Variants in MIDEAS observed in about 807,000 individuals in gnomAD.
The protein encoded by MIDEAS is mitotic deacetylase-associated SANT domain protein.
MIDEAS carries 26 observed loss-of-function variants against 102.7 expected under a neutral mutation model. The ratio of observed to expected loss-of-function variants is 0.25; its 90% CI spans 0.19 to 0.35. The LOEUF is 0.35. Ranked by LOEUF, MIDEAS falls within the 10% of genes least tolerant of loss-of-function variation. MIDEAS has a pLI of 1.00. For synonymous variants in MIDEAS, 585 were observed against 591.0 expected (o/e 0.99, Z 0.15); for missense variants, 1,231 against 1,435.6 (o/e 0.86, Z 2.30).
intron 11 of MIDEAS, 24 bp from the exon 12 acceptor site, chr14:73,719,525 G>A (rs1434258517): frequency 3.1e-6 from 5 of 1,608,356 alleles, no homozygotes; most frequent in East Asian, 2.2e-5. Flanking sequence ...AACAAGGAGA[G>A]TTGAGTGATC....
intron 1 of MIDEAS, among the ~76,000 whole-genome samples, chr14:73,769,901 GGTTTTTTTTTTT>G (rs2053626773): frequency 2.5e-5 from 3 of 121,772 alleles, no homozygotes; most frequent in African/African-American, 1.2e-4. Flanking sequence ...TGCCCGGCTG[GGTTTTTTTTTTT>G]GTTTTTTTTT....
chr14:73,725,243 C>G lies in MIDEAS; in HGVS notation c.2574+29G>C, dbSNP rs1291845410. On this transcript the variant is annotated intron_variant, in intron 9 of 12. Transcript: ENST00000423556. This position sits in a 1 kb window ranked among gnomAD's most constrained non-coding sequence, Gnocchi z 4.1. ...AGTCACACAGGCAGCTCCTGGCCCT[C>G]ATTTGCCCTGAAACAGAGCCCAGCT... is the stretch of plus-strand genomic sequence containing the variant. 5 of 1,597,092 alleles carry G rather than the reference C, an allele frequency of 3.1e-6. No individual in the cohort carries two copies. In the South Asian group the frequency reaches 5.5e-5, roughly 18 times the overall value.
chr14:73,723,687 A>G (rs887610968), intron 9 of MIDEAS: 1 of 152,224 alleles, frequency 6.6e-6, no homozygotes, highest in East Asian at 1.9e-4. Context: ...CGATTGCTAA[A>G]TCTAAGTCCG....
intron 1 of MIDEAS, among the ~76,000 whole-genome samples, chr14:73,741,489 T>C (rs1173450440): frequency 1.3e-5 from 2 of 152,086 alleles, no homozygotes; most frequent in South Asian, 2.1e-4. Flanking sequence ...TCTCAGGCCC[T>C]AGATGCTACA....
chr14:73,763,106 CAGG>C (rs2053566643), upstream of MIDEAS, among the ~76,000 whole-genome samples: 1 of 152,070 alleles, frequency 6.6e-6, no homozygotes, highest in Admixed American at 6.6e-5. Context: ...AAGGCTGAGG[CAGG>C]AGGAGTGCTT....
At chr14:73,773,239 G>T (rs2140170531) in intron 1 of MIDEAS, among the ~76,000 whole-genome samples, 1 of 151,932 alleles carries the variant, frequency 6.6e-6, no homozygotes, top group South Asian at 2.1e-4. Flanking sequence ...TACCAATCAG[G>T]ATCTACTCTT....
chr14:73,757,290 A>AAAAAAAAAAAAAC (rs2053496627), intron 1 of MIDEAS, among the ~76,000 whole-genome samples: 3 of 150,442 alleles, frequency 2.0e-5, no homozygotes, highest in African/African-American at 4.9e-5. Flanking sequence ...AAAAAAAAAA[A>AAAAAAAAAAAAAC]AAAACACTAA....
At chr14:73,756,287 T>TGCGCGC (rs1462045604) in intron 1 of MIDEAS, among the ~76,000 whole-genome samples, 1 of 99,612 alleles carries the variant, frequency 1.0e-5, no homozygotes, top group African/African-American at 3.8e-5. Flanking sequence ...TGTGTGTGTG[T>TGCGCGC]GTGTGTGTGC....
At chr14:73,752,092 CAG>C (rs2053427111) in intron 1 of MIDEAS, among the ~76,000 whole-genome samples, 1 of 152,174 alleles carries the variant, frequency 6.6e-6, no homozygotes, top group Admixed American at 6.5e-5. Flanking sequence ...ATGGTGCTCT[CAG>C]AGTGTTGCTT....
upstream of MIDEAS, among the ~76,000 whole-genome samples, chr14:73,760,499 G>T (rs2053545007): frequency 6.6e-6 from 1 of 152,246 alleles, no homozygotes; most frequent in South Asian, 2.1e-4. This position sits in a 1 kb window ranked among gnomAD's most constrained non-coding sequence, Gnocchi z 4.8. Flanking sequence ...CTTTGCTGGC[G>T]GGCCACGCTG....
At chr14:73,754,559 G>T (rs1566600783) in intron 1 of MIDEAS, among the ~76,000 whole-genome samples, 1 of 152,202 alleles carries the variant, frequency 6.6e-6, no homozygotes, top group African/African-American at 2.4e-5. Flanking sequence ...TGAAAGTGGA[G>T]ACAGTCTTTA....
chr14:73,738,417 G>T, intron 2 of MIDEAS, 143 bp downstream of exon 2: 2 of 912,498 alleles, frequency 2.2e-6, no homozygotes, highest in East Asian at 3.1e-5. Flanking sequence ...GCAAGGTGAA[G>T]GGTGGTCTTT....
At chr14:73,744,157 CAGCTCTCCTGGG>C (rs1478988168) in intron 1 of MIDEAS, among the ~76,000 whole-genome samples, 1 of 152,088 alleles carries the variant, frequency 6.6e-6, no homozygotes, top group African/African-American at 2.4e-5. Flanking sequence ...ATGGTGACAC[CAGCTCTCCTGGG>C]ATGTCAGCTC....
chr14:73,761,070 TTGGTGGTGGTGCAG>T (rs1159984162), upstream of MIDEAS, among the ~76,000 whole-genome samples: 1 of 152,018 alleles, frequency 6.6e-6, no homozygotes, highest in Non-Finnish European at 1.5e-5. Context: ...TCCAAGTTTT[TTGGTGGTGGTGCAG>T]TGGTGGTGGT....
chr14:73,729,896 G>A lies in MIDEAS; in HGVS notation c.1839C>T (p.Thr613=), dbSNP rs756256233. 16 of 1,613,134 alleles carry A rather than the reference G, an allele frequency of 9.9e-6. No individual in the cohort carries two copies. Among genetic ancestry groups the A allele is most frequent in the Non-Finnish European group, 1.4e-5 (16 of 1,179,368 alleles). ...GAGGGGCGATGAAAGTGCCCGCCTT[G>A]GTGGGGATGATGAGGGGCTCGGGCC... ...RPRPEPLIIP[T]KAGTFIAPPV... The change falls in exon 4 of 13, where the codon ACC becomes ACT. Residue 613 remains threonine (T), a synonymous_variant. Coordinates refer to ENST00000423556, the MANE Select transcript of MIDEAS (RefSeq NM_001367710.1).
At chr14:73,732,696 G>T (rs2053153558) in intron 3 of MIDEAS, among the ~76,000 whole-genome samples, 1 of 143,290 alleles carries the variant, frequency 7.0e-6, no homozygotes, top group Non-Finnish European at 1.5e-5. Context: ...TGAGGCAGAA[G>T]AATTCCTTGA....
At chr14:73,744,835 T>C (rs532670797) in intron 1 of MIDEAS, among the ~76,000 whole-genome samples, 4 of 152,202 alleles carry the variant, frequency 2.6e-5, no homozygotes, top group African/African-American at 9.6e-5. Flanking sequence ...ATCCTTCAGG[T>C]TGCAGACACT....
At position 73,716,718 on chromosome 14, in the gene MIDEAS, CCAAGTA is replaced by C. The variant is rs149590056; in HGVS notation, c.*2119_*2124del. On this transcript the variant is annotated 3_prime_UTR_variant, in exon 13 of 13. Coordinates refer to ENST00000423556, the MANE Select transcript of MIDEAS (RefSeq NM_001367710.1). ...AAAAAAAAAAAAAAAAATTTTTTTT[CCAAGTA>C]CAAGATGTTACCACTGACAAAAGGG... 32,756 of 144,236 alleles carry C rather than the reference CCAAGTA, an allele frequency of 0.23. 4,837 individuals carry two copies. The highest frequency in any genetic ancestry group is 0.34 in the Non-Finnish European group (22,276 of 66,134). 8.9% of individuals were successfully genotyped at this position (144,236 alleles called of 1,614,324 possible). A position where few individuals can be genotyped will look rare whatever the true frequency, so the allele number is the denominator to read the frequency against.
At chr14:73,729,471 C>T (rs900646582) in intron 4 of MIDEAS, among the ~76,000 whole-genome samples, 169 bp downstream of exon 4, 1 of 152,224 alleles carries the variant, frequency 6.6e-6, no homozygotes, top group African/African-American at 2.4e-5. Flanking sequence ...CCCCCCACCC[C>T]TCCTTGTTGA....
Sources: allele counts gnomAD v4.1 joint callset (sites outside exome capture counted in the v4.1 genomes callset), GRCh38; gene constraint gnomAD v4.1.1; non-coding constraint Gnocchi (gnomAD v3.1); transcripts MANE v1.5; gene names NCBI Gene and HGNC (gene_info 2026-07-23, HGNC 2026-07-21).